The following MACO1 variants were observed in gnomAD, a reference collection of about 807,000 sequenced individuals.
MACO1 encodes the protein macoilin 1.
Under a neutral mutation model 78.7 loss-of-function variants are expected in MACO1, and 14 were observed. That is an observed-to-expected ratio of 0.18 (90% CI 0.12 to 0.28). The LOEUF is 0.28. MACO1 is among the 10% of genes least tolerant of loss of function. MACO1 has a pLI of 1.00. For missense variants in MACO1, 501 were observed against 799.0 expected (o/e 0.63, Z 4.50); for synonymous variants, 288 against 291.6 (o/e 0.99, Z 0.12).
At chr1:25,435,787 GA>G (rs1356350939) in intron 1 of MACO1, among the ~76,000 whole-genome samples, 1 of 152,194 alleles carries the variant, frequency 6.6e-6, no homozygotes, top group Non-Finnish European at 1.5e-5. Flanking sequence ...AGGAGAAATT[GA>G]AATGTTTTCA....
chr1:25,480,216 G>A (rs907236736), intron 6 of MACO1, among the ~76,000 whole-genome samples: 1 of 152,118 alleles, frequency 6.6e-6, no homozygotes, highest in African/African-American at 2.4e-5. Context: ...TTTTAAAATT[G>A]CTGAGAATTT....
intron 6 of MACO1, among the ~76,000 whole-genome samples, chr1:25,478,346 A>G (rs542805793): frequency 4.6e-5 from 7 of 152,380 alleles, no homozygotes; most frequent in African/African-American, 1.4e-4. Context: ...CTGAAAGGCT[A>G]ACATTTGAAC....
intron 9 of MACO1, among the ~76,000 whole-genome samples, chr1:25,490,843 T>C (rs1215190270): frequency 1.3e-5 from 2 of 152,182 alleles, no homozygotes; most frequent in African/African-American, 4.8e-5. Flanking sequence ...TTAAAAGAAA[T>C]ATTAAATTTT....
At chr1:25,481,670 G>C (rs1041522100) in intron 6 of MACO1, among the ~76,000 whole-genome samples, 1 of 152,224 alleles carries the variant, frequency 6.6e-6, no homozygotes, top group Non-Finnish European at 1.5e-5. Flanking sequence ...CTACTTAGGA[G>C]TGAATGAGAG....
At position 25,452,081 on chromosome 1, in the gene MACO1, T is replaced by C. The variant is rs950559614; in HGVS notation, c.350-2178T>C. 6.6e-5 allele frequency among the ~76,000 whole-genome samples: 10 copies of C among 151,958 alleles called. No homozygotes were observed. In the East Asian group the frequency reaches 1.9e-3, roughly 29 times the overall value. On this transcript the variant is annotated intron_variant, in intron 3 of 10. Coordinates refer to ENST00000374343, the MANE Select transcript of MACO1 (RefSeq NM_018202.6). Reference sequence around the variant, plus strand: ...CTCAGGTACTAGGACTAAGGGAGGTTCTCCTTAGAAGCAGATTTAGTACTG... The same window carrying C: ...CTCAGGTACTAGGACTAAGGGAGGTCCTCCTTAGAAGCAGATTTAGTACTG...
chr1:25,445,216 T>C (rs1220048653), intron 1 of MACO1, among the ~76,000 whole-genome samples: 2 of 151,636 alleles, frequency 1.3e-5, no homozygotes, highest in Non-Finnish European at 1.5e-5. Context: ...GAAGGATCAC[T>C]TGAGCCCAGT....
rs1037766334 is a variant in MACO1, at chr1:25,499,450, T to TG, written c.*984_*985insG. The TG allele has an allele frequency of 2.2e-4, 33 of 151,980 alleles. No homozygotes were observed. Among genetic ancestry groups the TG allele is most frequent in the African/African-American group, 8.0e-4 (33 of 41,448 alleles). 9.4% of individuals were successfully genotyped at this position (151,980 alleles called of 1,614,324 possible). ...AAGCTGCGGGTCTAGGTTTTTTTTTTTTTGTTTTGTTTTTTCATTTCATTT... is the reference window on the plus strand; with the variant it reads ...AAGCTGCGGGTCTAGGTTTTTTTTTTGTTTGTTTTGTTTTTTCATTTCATTT... On this transcript the variant is annotated 3_prime_UTR_variant, in exon 11 of 11. Transcript: ENST00000374343.
At chr1:25,480,929 A>AAAATATATATATATAT (rs1553166539) in intron 6 of MACO1, among the ~76,000 whole-genome samples, 2 of 47,914 alleles carry the variant, frequency 4.2e-5, no homozygotes, top group Non-Finnish European at 3.4e-5. Context: ...AAAAAAAAAA[A>AAAATATATATATATAT]ATATATATAT....
intron 6 of MACO1, among the ~76,000 whole-genome samples, chr1:25,469,633 CTTT>C (rs1222159978): frequency 7.8e-6 from 1 of 127,436 alleles, no homozygotes; most frequent in Admixed American, 8.1e-5. Context: ...TAACCTCTGA[CTTT>C]TTTTTTTTTT....
chr1:25,492,523 C>T (rs1557678004), intron 10 of MACO1, among the ~76,000 whole-genome samples: 2 of 151,500 alleles, frequency 1.3e-5, no homozygotes, highest in Admixed American at 6.6e-5. Context: ...GCAGGGGGAG[C>T]GTGGGTACTC....
intron 6 of MACO1, among the ~76,000 whole-genome samples, chr1:25,475,097 C>T (rs1367124928): frequency 2.6e-5 from 4 of 152,204 alleles, no homozygotes; most frequent in African/African-American, 9.7e-5. Context: ...GTAATCCCAG[C>T]ACTTTGGGAG....
chr1:25,483,980 T>C (rs2043404074), intron 6 of MACO1, 136 bp from the exon 7 acceptor site: 2 of 799,644 alleles, frequency 2.5e-6, no homozygotes, highest in Non-Finnish European at 3.9e-6. Flanking sequence ...CAGACAGGAG[T>C]CCTCATCATG....
At chr1:25,488,677 G>A (rs1473179839) in intron 8 of MACO1, among the ~76,000 whole-genome samples, 2 of 151,716 alleles carry the variant, frequency 1.3e-5, no homozygotes, top group Admixed American at 6.6e-5. Flanking sequence ...TAGAGAGAGG[G>A]TTTCACTGTG....
rs557041497 is a variant in MACO1, at chr1:25,456,047, C to T, written c.474-606C>T. Among the ~76,000 whole-genome samples, 3 of 152,040 alleles carry T rather than the reference C, an allele frequency of 2.0e-5. No homozygotes were observed. In the East Asian group the frequency reaches 5.8e-4, roughly 29 times the overall value. On this transcript the variant is annotated intron_variant, in intron 4 of 10. Coordinates refer to ENST00000374343, the MANE Select transcript of MACO1 (RefSeq NM_018202.6). ...GGCCAAGGCGAGTGGATCACGAGGTCGAGAGATCGAGACCATCCTGGCCAA... is the reference window on the plus strand; with the variant it reads ...GGCCAAGGCGAGTGGATCACGAGGTTGAGAGATCGAGACCATCCTGGCCAA...
Position 25,446,790 on chromosome 1 carries a change from G to A in MACO1, c.109G>A (p.Val37Met). ...STFLYLKFLV[V>M]WALVLLADFV... ...ATTTTTATACCTGAAATTCCTGGTGGTGTGGGCACTTGTCCTCCTAGCAGA... is the reference window on the plus strand; with the variant it reads ...ATTTTTATACCTGAAATTCCTGGTGATGTGGGCACTTGTCCTCCTAGCAGA... The change falls in exon 2 of 11, where the codon GTG becomes ATG. Residue 37 changes from valine (V) to methionine (M), a missense_variant. By Grantham distance (21) the Val-to-Met change is conservative. This residue lies in a region of MACO1 where 171 missense variants were observed against 292.1 expected (regional missense o/e 0.59). Coordinates refer to ENST00000374343, the MANE Select transcript of MACO1 (RefSeq NM_018202.6). The A allele has an allele frequency of 1.9e-6, 3 of 1,612,554 alleles. No individual in the cohort carries two copies. Among genetic ancestry groups the A allele is most frequent in the Non-Finnish European group, 2.5e-6 (3 of 1,179,290 alleles).
At chr1:25,479,010 A>C (rs1376190854) in intron 6 of MACO1, among the ~76,000 whole-genome samples, 1 of 152,196 alleles carries the variant, frequency 6.6e-6, no homozygotes, top group Non-Finnish European at 1.5e-5. Context: ...ATCCCTTAAA[A>C]TTCTATAGTC....
In MACO1 at chr1:25,454,486, A is replaced by T. The variant is rs1423357227; in HGVS notation, c.473+104A>T. 4.3e-4 allele frequency: 61 copies of T among 143,494 alleles called. 2 individuals are homozygous for T. The highest frequency in any genetic ancestry group is 2.2e-3 in the African/African-American group (50 of 23,092). The allele number at this position is 143,494 out of a possible 1,614,324, so 8.9% of individuals were successfully genotyped here. On this transcript the variant is annotated intron_variant, in intron 4 of 10. Coordinates refer to ENST00000374343, the MANE Select transcript of MACO1 (RefSeq NM_018202.6). ...TGTGTGTGTGTATATATATATATAT[A>T]TATTTTTTTTTTTTTTAGACGGAGT...
chr1:25,462,005 G>A (rs775000353), intron 6 of MACO1, among the ~76,000 whole-genome samples: 5 of 152,048 alleles, frequency 3.3e-5, no homozygotes, highest in Non-Finnish European at 4.4e-5. Context: ...TTCCTTAGCC[G>A]TCGCCTCTGT....
intron 3 of MACO1, 58 bp from the exon 4 acceptor site, chr1:25,454,201 C>A (rs986498576): frequency 2.1e-6 from 3 of 1,432,038 alleles, no homozygotes; most frequent in Non-Finnish European, 2.8e-6. Flanking sequence ...CCCAAACAAT[C>A]CATCTGTTAG....
Sources: allele counts gnomAD v4.1 joint callset (sites outside exome capture counted in the v4.1 genomes callset), GRCh38; gene constraint gnomAD v4.1.1; regional missense constraint gnomAD v4.1.1; transcripts MANE v1.5; gene names NCBI Gene and HGNC (gene_info 2026-07-23, HGNC 2026-07-21).